Variants in PLEKHG1 observed in about 807,000 individuals in gnomAD.
PLEKHG1 encodes pleckstrin homology and RhoGEF domain containing G1, also known as pleckstrin homology domain-containing family G member 1.
Under a neutral mutation model 100.8 loss-of-function variants are expected in PLEKHG1, and 44 were observed. The observed-to-expected ratio is 0.44, with a 90% CI of 0.34 to 0.56. The LOEUF is 0.56. PLEKHG1 is among the 20% of genes least tolerant of loss of function. PLEKHG1 has a pLI of 0.01. For missense variants in PLEKHG1, 1,545 were observed against 1,720.9 expected (o/e 0.90, Z 1.81); for synonymous variants, 640 against 662.5 (o/e 0.97, Z 0.52).
At chr6:150,621,941 A>T (rs1246827332) in intron 1 of PLEKHG1, among the ~76,000 whole-genome samples, 2 of 152,204 alleles carry the variant, frequency 1.3e-5, no homozygotes, top group Admixed American at 1.3e-4. Flanking sequence ...TTGCGTCCAG[A>T]ACTGTTGTGT....
At chr6:150,619,013 G>T (rs1200365394) in intron 1 of PLEKHG1, among the ~76,000 whole-genome samples, 1 of 152,152 alleles carries the variant, frequency 6.6e-6, no homozygotes, top group Non-Finnish European at 1.5e-5. Context: ...ATCCCGGGAA[G>T]TCAAGGCTGT....
intron 3 of PLEKHG1, among the ~76,000 whole-genome samples, chr6:150,688,961 A>G (rs1233354828): frequency 6.6e-6 from 1 of 152,228 alleles, no homozygotes; most frequent in Non-Finnish European, 1.5e-5. Context: ...AATGTTATGC[A>G]ACCATCACCA....
intron 3 of PLEKHG1, among the ~76,000 whole-genome samples, chr6:150,670,758 T>C (rs1280730509): frequency 6.6e-6 from 1 of 152,204 alleles, no homozygotes; most frequent in Non-Finnish European, 1.5e-5. Flanking sequence ...CTTATGTTGC[T>C]TCTTTTTCTG....
intron 1 of PLEKHG1, among the ~76,000 whole-genome samples, chr6:150,726,711 A>G (rs1178151350): frequency 1.3e-5 from 2 of 152,190 alleles, no homozygotes; most frequent in Non-Finnish European, 2.9e-5. Context: ...ACTACAAATA[A>G]ATATGAAAAT....
At chr6:150,704,141 AGTTG>A (rs1274792339) in intron 3 of PLEKHG1, among the ~76,000 whole-genome samples, 6 of 152,308 alleles carry the variant, frequency 3.9e-5, no homozygotes, top group African/African-American at 1.4e-4. Context: ...AATGAATCTT[AGTTG>A]GTTCTTTGGA....
chr6:150,828,968 G>A (rs142212235), intron 14 of PLEKHG1, among the ~76,000 whole-genome samples: 1 of 152,174 alleles, frequency 6.6e-6, no homozygotes. Context: ...GAAATAAATG[G>A]CTAATTGAAT....
At chr6:150,784,422 C>T (rs902696101) in intron 3 of PLEKHG1, among the ~76,000 whole-genome samples, 1 of 152,152 alleles carries the variant, frequency 6.6e-6, no homozygotes, top group East Asian at 1.9e-4. Flanking sequence ...TATCTACTGA[C>T]ATCATTAGCC....
intron 10 of PLEKHG1, among the ~76,000 whole-genome samples, chr6:150,815,994 C>T (rs1223679193): frequency 6.6e-6 from 1 of 152,064 alleles, no homozygotes; most frequent in Non-Finnish European, 1.5e-5. Flanking sequence ...GTTTATTGTG[C>T]ACTTTATTTC....
intron 5 of PLEKHG1, 144 bp from the exon 7 acceptor site, chr6:150,800,575 A>G (rs1786633205): frequency 1.9e-5 from 13 of 688,446 alleles, no homozygotes; most frequent in Middle Eastern, 3.0e-4. Flanking sequence ...CCTTTCTCCA[A>G]TTTGCCTAAA....
intron 4 of PLEKHG1, among the ~76,000 whole-genome samples, chr6:150,792,141 TA>T (rs1032283161): frequency 6.6e-6 from 1 of 151,730 alleles, no homozygotes; most frequent in African/African-American, 2.4e-5. Flanking sequence ...TTTTATCCTT[TA>T]AAAAAAACAC....
chr6:150,766,050 A>G (rs1784438145), intron 2 of PLEKHG1, among the ~76,000 whole-genome samples: 1 of 152,344 alleles, frequency 6.6e-6, no homozygotes, highest in East Asian at 1.9e-4. Flanking sequence ...GCTCGTGTGC[A>G]AATCTTATAA....
At chr6:150,810,470 A>G (rs1787426762) in intron 10 of PLEKHG1, among the ~76,000 whole-genome samples, 1 of 128,682 alleles carries the variant, frequency 7.8e-6, no homozygotes, top group South Asian at 2.3e-4. Flanking sequence ...TCTCAAAAAA[A>G]AGAAAGAAAG....
chr6:150,749,329 G>C (rs1048602928), intron 2 of PLEKHG1, among the ~76,000 whole-genome samples: 3 of 152,198 alleles, frequency 2.0e-5, no homozygotes, highest in African/African-American at 7.2e-5. Context: ...GCGTGGACAG[G>C]TGTGAAGGGA....
intron 1 of PLEKHG1, among the ~76,000 whole-genome samples, chr6:150,619,860 A>C (rs1489627216): frequency 6.6e-6 from 1 of 152,214 alleles, no homozygotes; most frequent in Non-Finnish European, 1.5e-5. Flanking sequence ...ACCAGCTCTC[A>C]GTTTTGGCTG....
At chr6:150,612,051 C>A (rs145057438) in intron 1 of PLEKHG1, among the ~76,000 whole-genome samples, 10,829 of 109,350 alleles carry the variant, frequency 0.099, 736 homozygotes, top group South Asian at 0.14. Flanking sequence ...TTGTTCCCCC[C>A]CCCCCCCCCT....
chr6:150,690,860 T>C (rs1030548125), intron 3 of PLEKHG1, among the ~76,000 whole-genome samples: 12 of 152,250 alleles, frequency 7.9e-5, no homozygotes, highest in African/African-American at 2.9e-4. Context: ...GTTCTCCTGC[T>C]TTTGGAAAGC....
At chr6:150,721,311 T>C in intron 1 of PLEKHG1, 1 of 243,588 alleles carries the variant, frequency 4.1e-6, no homozygotes, top group Non-Finnish European at 6.6e-6. Context: ...CAGGGGGGGC[T>C]TTCTTCACAA....
Position 150,840,389 on chromosome 6 carries a change from G to A in PLEKHG1, c.3651G>A (p.Glu1217=), listed in dbSNP as rs776187547. The change falls in exon 16 of 16, where the codon GAG becomes GAA. Residue 1217 remains glutamate, a synonymous_variant. Coordinates refer to ENST00000358517, the Ensembl canonical transcript of PLEKHG1. Reference sequence around the variant, plus strand: ...CTTTACACAGAAGTTCAAGGTGTGAGAGTCACCAGGACTTGCTGCCAGATA... The same window carrying A: ...CTTTACACAGAAGTTCAAGGTGTGAAAGTCACCAGGACTTGCTGCCAGATA... 23 of 1,614,080 alleles carry A rather than the reference G, an allele frequency of 1.4e-5. No individual in the cohort carries two copies. In the South Asian group the frequency reaches 2.3e-4, roughly 16 times the overall value.
chr6:150,649,181 C>T (rs894201038), intron 2 of PLEKHG1, among the ~76,000 whole-genome samples: 5 of 152,108 alleles, frequency 3.3e-5, no homozygotes, highest in African/African-American at 1.2e-4. Flanking sequence ...TTTTACTCCT[C>T]CTATGCAGAA....
Sources: gnomAD v4.1 joint callset for allele counts (sites outside exome capture counted in the v4.1 genomes callset) on GRCh38, gnomAD v4.1.1 for gene constraint, MANE v1.5 for transcripts, NCBI Gene and HGNC (gene_info 2026-07-23, HGNC 2026-07-21) for gene names.